ARF4: variants seen among roughly 807,000 people sequenced by gnomAD.
ARF4 encodes the protein ADP-ribosylation factor 4.
A neutral mutation model predicts 24.3 loss-of-function variants in ARF4; 5 were observed. That is an observed-to-expected ratio of 0.21 (90% CI 0.11 to 0.43). The LOEUF (loss-of-function observed/expected upper bound fraction) is 0.43, where lower values mean the gene tolerates loss of function less well. Among genes scored for constraint, ARF4 ranks in the 20% least tolerant of loss-of-function variants. The pLI is 1.00. For synonymous variants in ARF4, 62 were observed against 73.5 expected (o/e 0.84, Z 0.80); for missense variants, 107 against 213.0 (o/e 0.50, Z 3.10).
At chr3:57,590,743 A>G (rs2070103335) in intron 1 of ARF4, among the ~76,000 whole-genome samples, 1 of 152,150 alleles carries the variant, frequency 6.6e-6, no homozygotes, top group African/African-American at 2.4e-5. Flanking sequence ...CAGTGGTGCA[A>G]ACATGGCTCA....
At chr3:57,579,250 T>A (rs1394282122) in intron 3 of ARF4, among the ~76,000 whole-genome samples, 1 of 200 alleles carries the variant, frequency 5.0e-3, no homozygotes, top group South Asian at 0.1. Context: ...GCAAACTACA[T>A]CTCAAAAAAA....
At position 57,592,623 on chromosome 3, in the gene ARF4, TAGC is replaced by T. The variant is rs540398215; in HGVS notation, c.67+4448_67+4450del. ...AACATCTACATTTTTATCAGTTAAT[TAGC>T]AGCAAATTATCAAAGTTTCCGACAG... is the stretch of plus-strand genomic sequence containing the variant. On this transcript the variant is annotated intron_variant, in intron 1 of 5. Transcript: ENST00000303436. Among the ~76,000 whole-genome samples, 22 of 152,292 alleles carry T rather than the reference TAGC, an allele frequency of 1.4e-4. No homozygotes were observed. In the South Asian group the frequency reaches 4.2e-3, roughly 29 times the overall value.
Position 57,584,384 on chromosome 3 carries a change from CAATGGTAGG to C in ARF4, c.139_147del (p.Pro47_Ile49del). Reference sequence around the variant, plus strand: ...TAAAGTCATCTGTAAACTTTCTTACCAATGGTAGGAATGGTGGTGACTATCTCCCCTAAC... The same window carrying C: ...TAAAGTCATCTGTAAACTTTCTTACCAATGGTGGTGACTATCTCCCCTAAC... On this transcript the variant is annotated inframe_deletion and splice_region_variant, in exon 2 of 6. Transcript: ENST00000303436. The C allele has an allele frequency of 6.2e-7, 1 of 1,604,980 alleles. No homozygotes were observed. Among genetic ancestry groups the C allele is most frequent in the African/African-American group, 1.3e-5 (1 of 74,778 alleles).
At chr3:57,591,141 G>A (rs1480585816) in intron 1 of ARF4, among the ~76,000 whole-genome samples, 1 of 152,172 alleles carries the variant, frequency 6.6e-6, no homozygotes, top group Non-Finnish European at 1.5e-5. Flanking sequence ...AAACGAGGAT[G>A]TAAAATGGAA....
Position 57,577,215 on chromosome 3 carries a change from C to A in ARF4, c.330+101G>T. Reference sequence around the variant, plus strand: ...AAGTTTATTTCTAGCCCCCCCAATCCATTTGTGTAATCTAATCATAGTCAA... The same window carrying A: ...AAGTTTATTTCTAGCCCCCCCAATCAATTTGTGTAATCTAATCATAGTCAA... On this transcript the variant is annotated intron_variant, in intron 4 of 5. Coordinates refer to ENST00000303436, the MANE Select transcript of ARF4 (RefSeq NM_001660.4). 6.4e-6 allele frequency: 6 copies of A among 931,146 alleles called. No individual in the cohort carries two copies. In the South Asian group the frequency reaches 7.4e-5, roughly 11 times the overall value. 57.7% of individuals were successfully genotyped at this position (931,146 alleles called of 1,614,324 possible).
At chr3:57,595,854 G>A (rs907186985) in intron 1 of ARF4, among the ~76,000 whole-genome samples, 8 of 152,050 alleles carry the variant, frequency 5.3e-5, no homozygotes, top group Admixed American at 4.6e-4. Context: ...GGGAGGCTGA[G>A]GCAGGAGAAT....
At chr3:57,579,311 CTA>C (rs1456217221) in intron 3 of ARF4, among the ~76,000 whole-genome samples, 1 of 142,044 alleles carries the variant, frequency 7.0e-6, no homozygotes, top group African/African-American at 2.6e-5. Flanking sequence ...AAGGACTATA[CTA>C]TATCTTTTTT....
intron 1 of ARF4, chr3:57,596,845 G>A: frequency 1.9e-6 from 1 of 528,932 alleles, no homozygotes; most frequent in Non-Finnish European, 3.4e-6. Flanking sequence ...AGTCCAGAAA[G>A]AAATCTTGCC....
chr3:57,589,498 T>C (rs904708974), intron 1 of ARF4, among the ~76,000 whole-genome samples: 3 of 151,866 alleles, frequency 2.0e-5, no homozygotes, highest in Non-Finnish European at 4.4e-5. Flanking sequence ...AGTGGGTGGA[T>C]CACGAGGTCA....
intron 1 of ARF4, among the ~76,000 whole-genome samples, chr3:57,594,373 C>T (rs145490528): frequency 1.4e-3 from 218 of 152,294 alleles, no homozygotes; most frequent in African/African-American, 4.9e-3. Flanking sequence ...TAGGCGTGAG[C>T]CACCACACCT....
In ARF4 at chr3:57,584,110, TA is replaced by T. The variant is rs2153408972; in HGVS notation, c.149-104del. 3.6e-6 allele frequency: 3 copies of T among 825,172 alleles called. No homozygotes were observed. In the East Asian group the frequency reaches 8.1e-5, roughly 22 times the overall value. 51.1% of individuals were successfully genotyped at this position (825,172 alleles called of 1,614,324 possible). A position where few individuals can be genotyped will look rare whatever the true frequency, so the allele number is the denominator to read the frequency against. ...ATAGTGTTTTTAAAGTACTTCTTTT[TA>T]TTTTTAAAAAATATATTTAAGCCTA... On this transcript the variant is annotated intron_variant, in intron 2 of 5. Coordinates refer to ENST00000303436, the MANE Select transcript of ARF4 (RefSeq NM_001660.4).
At chr3:57,577,663 C>T (rs2069922709) in intron 3 of ARF4, among the ~76,000 whole-genome samples, 1 of 152,120 alleles carries the variant, frequency 6.6e-6, no homozygotes, top group African/African-American at 2.4e-5. Flanking sequence ...TTTCCCCTTC[C>T]CTCTGCACTC....
chr3:57,577,449 G>T, intron 3 of ARF4, 62 bp from the exon 4 acceptor site: 1 of 1,344,824 alleles, frequency 7.4e-7, no homozygotes, highest in Non-Finnish European at 1.1e-6. Flanking sequence ...ATGAAACAGT[G>T]TAGGCAGCAA....
intron 2 of ARF4, 169 bp from the exon 3 acceptor site, chr3:57,584,176 T>C (rs1056364232): frequency 1.4e-6 from 1 of 698,448 alleles, no homozygotes; most frequent in African/African-American, 1.8e-5. Context: ...TTATGCAGGC[T>C]GGTCTTGAAC....
intron 3 of ARF4, among the ~76,000 whole-genome samples, chr3:57,578,429 C>T (rs923561709): frequency 7.5e-6 from 1 of 133,424 alleles, no homozygotes; most frequent in Non-Finnish European, 1.7e-5. Context: ...TTTACCTGAT[C>T]GAGTAAGACA....
chr3:57,579,613 C>A (rs931651778), intron 3 of ARF4, among the ~76,000 whole-genome samples: 1 of 152,102 alleles, frequency 6.6e-6, no homozygotes, highest in African/African-American at 2.4e-5. Flanking sequence ...TTCTGTTTAC[C>A]TCTCAGGATT....
intron 1 of ARF4, among the ~76,000 whole-genome samples, chr3:57,587,887 A>T (rs1159964999): frequency 3.3e-5 from 5 of 152,206 alleles, no homozygotes; most frequent in African/African-American, 1.2e-4. Context: ...CAAAAATAAC[A>T]ATGCTGTATA....
intron 1 of ARF4, among the ~76,000 whole-genome samples, chr3:57,595,305 C>T (rs1054570230): frequency 1.3e-5 from 2 of 152,168 alleles, no homozygotes; most frequent in African/African-American, 2.4e-5. Context: ...TGTTCTGGAA[C>T]ATAACCATAT....
At chr3:57,594,837 T>TA (rs1351640135) in intron 1 of ARF4, among the ~76,000 whole-genome samples, 5 of 152,232 alleles carry the variant, frequency 3.3e-5, no homozygotes, top group African/African-American at 1.2e-4. Flanking sequence ...CAGTCACTCA[T>TA]AAAGCCAGAC....
Sources: allele counts gnomAD v4.1 joint callset (sites outside exome capture counted in the v4.1 genomes callset), GRCh38; gene constraint gnomAD v4.1.1; transcripts MANE v1.5; gene names NCBI Gene and HGNC (gene_info 2026-07-23, HGNC 2026-07-21).